The following GIPR variants were observed in gnomAD, a reference collection of about 807,000 sequenced individuals.
GIPR encodes GIP-R.
A neutral mutation model predicts 62.2 loss-of-function variants in GIPR; 74 were observed. That is an observed-to-expected ratio of 1.19 (90% CI 0.99 to 1.44). GIPR has a LOEUF of 1.44. GIPR is among the 40% of genes most tolerant of loss of function. The probability of loss-of-function intolerance (pLI) is 0.00; values close to 1 mark genes in which losing one functional copy is unlikely to be tolerated. For missense variants in GIPR, 664 were observed against 611.8 expected (o/e 1.09, Z -0.90); for synonymous variants, 256 against 262.2 (o/e 0.98, Z 0.23).
intron 4 of GIPR, chr19:45,672,601 A>G: frequency 4.6e-6 from 2 of 431,332 alleles, no homozygotes; most frequent in Non-Finnish European, 8.8e-6. Context: ...CACCACGCCC[A>G]GCCTTAACAT....
intron 5 of GIPR, 134 bp from the exon 6 acceptor site, chr19:45,673,940 A>G: frequency 2.6e-6 from 2 of 755,682 alleles, no homozygotes; most frequent in South Asian, 2.8e-5. Context: ...GCCCTTCTCA[A>G]ATAAGGGTAA....
rs1975429273 is a variant in GIPR at position 45,669,578 on chromosome 19, C to T, written c.58C>T (p.Leu20Phe). Reference sequence around the variant, plus strand: ...GCGGCTCTCACTGTGCGGGCTGCTGCTCCAGAGGGCGGAGGTGAGGAAGCG... The same window carrying T: ...GCGGCTCTCACTGTGCGGGCTGCTGTTCCAGAGGGCGGAGGTGAGGAAGCG... The part of the protein sequence containing the change: ...LLRLSLCGLL[L>F]QRAETGSKGQ... The change falls in exon 2 of 14, where the codon CTC (leucine) becomes TTC (phenylalanine). Residue 20 changes from leucine (L) to phenylalanine (F), a missense_variant. Leu to Phe is a conservative substitution (Grantham distance 22). Transcript: ENST00000590918. 4 of 1,580,180 alleles carry T rather than the reference C, an allele frequency of 2.5e-6. No homozygotes were observed. Among genetic ancestry groups the T allele is most frequent in the Admixed American group, 1.8e-5 (1 of 54,912 alleles).
At position 45,672,858 on chromosome 19, in the gene GIPR, A is replaced by G. The variant is rs1415243835; in HGVS notation, c.288A>G (p.Ala96=). Residue 96 remains alanine, a synonymous_variant, in exon 5 of 14, where the codon GCA becomes GCG. Coordinates refer to ENST00000590918, the MANE Select transcript of GIPR (RefSeq NM_000164.4). ...WYLPWHHHVA[A]GFVLRQCGSD... ...TCTCTTCTTTCCCCACAGTGGCTGC[A>G]GGTTTCGTCCTCCGCCAGTGTGGCA... 7.5e-6 allele frequency: 12 copies of G among 1,605,438 alleles called. No individual in the cohort carries two copies. The highest frequency in any genetic ancestry group is 1.0e-5 in the Non-Finnish European group (12 of 1,172,192).
Position 45,683,358 on chromosome 19 carries a change from C to G in GIPR, c.*1423C>G, listed in dbSNP as rs1393204783. The G allele has an allele frequency of 6.6e-6, 1 of 151,998 alleles. No homozygotes were observed. The highest frequency in any genetic ancestry group is 1.5e-5 in the Non-Finnish European group (1 of 68,056). 9.4% of individuals were successfully genotyped at this position (151,998 alleles called of 1,614,324 possible). On this transcript the variant is annotated 3_prime_UTR_variant, in exon 14 of 14. Coordinates refer to ENST00000590918, the MANE Select transcript of GIPR (RefSeq NM_000164.4). Reference sequence around the variant, plus strand: ...ACTTTATATCCAGAGCAGCCAGGGCCACTGCTGGCTGCGGAGTGAGGACGC... The same window carrying G: ...ACTTTATATCCAGAGCAGCCAGGGCGACTGCTGGCTGCGGAGTGAGGACGC...
intron 13 of GIPR, 25 bp downstream of exon 13, chr19:45,681,670 C>T: frequency 1.2e-6 from 2 of 1,612,678 alleles, no homozygotes; most frequent in Admixed American, 1.7e-5. Flanking sequence ...GGCCGCCGCC[C>T]CCGCCCTCTG....
intron 9 of GIPR, 83 bp from the exon 10 acceptor site, chr19:45,677,627 G>A (rs554995334): frequency 9.1e-7 from 1 of 1,103,142 alleles, no homozygotes; most frequent in Admixed American, 1.7e-5. Flanking sequence ...AAGTGCGGTG[G>A]GCGGGGCCTA....
intron 4 of GIPR, among the ~76,000 whole-genome samples, chr19:45,672,006 ACT>A (rs1975568212): frequency 6.7e-6 from 1 of 148,826 alleles, no homozygotes; most frequent in East Asian, 2.3e-4. Context: ...CGCCTCAGAC[ACT>A]TTATTTATTT....
intron 2 of GIPR, 35 bp downstream of exon 2, chr19:45,669,627 T>C: frequency 3.9e-6 from 6 of 1,552,650 alleles, no homozygotes; most frequent in Non-Finnish European, 5.2e-6. Context: ...GCTCCAGGCT[T>C]GGAGGGAGGT....
intron 1 of GIPR, among the ~76,000 whole-genome samples, 163 bp from the exon 2 acceptor site, chr19:45,669,314 G>C (rs1331830700): frequency 6.6e-6 from 1 of 152,184 alleles, no homozygotes. Context: ...CCTCCCCCCA[G>C]ATCATCACGC....
At chr19:45,669,372 A>G in intron 1 of GIPR, 105 bp from the exon 2 acceptor site, 1 of 1,149,006 alleles carries the variant, frequency 8.7e-7, no homozygotes, top group Non-Finnish European at 1.2e-6. Flanking sequence ...CCGCGTGTAT[A>G]CGGCTCCCCA....
chr19:45,679,652 G>T (rs899539299), intron 12 of GIPR, among the ~76,000 whole-genome samples: 2 of 151,962 alleles, frequency 1.3e-5, no homozygotes, highest in African/African-American at 4.8e-5. Flanking sequence ...GTCCAGGCTG[G>T]ATCCAGTGCA....
chr19:45,669,357 G>A (rs746148532), intron 1 of GIPR, 120 bp from the exon 2 acceptor site: 5 of 959,802 alleles, frequency 5.2e-6, no homozygotes, highest in Non-Finnish European at 7.9e-6. Context: ...CGCTGCCTCG[G>A]AGTCCCGCGT....
At chr19:45,670,845 G>C in intron 3 of GIPR, 111 bp downstream of exon 3, 1 of 693,812 alleles carries the variant, frequency 1.4e-6, no homozygotes, top group Non-Finnish European at 2.5e-6. Context: ...GCTGTGGGCT[G>C]GAGAGGCCCG....
In GIPR at chr19:45,679,719, G is replaced by T. The variant is rs866371384; in HGVS notation, c.1152+1493G>T. ...ACTCCTGGTCCAAAGCAATCCTCCT[G>T]CTTCAGCCTCCTAAGTGGCTGGGAG... On this transcript the variant is annotated intron_variant, in intron 12 of 13. Transcript: ENST00000590918. Among the ~76,000 whole-genome samples the T allele has an allele frequency of 5.3e-5, 8 of 152,018 alleles. No homozygotes were observed. In the South Asian group the frequency reaches 1.2e-3, roughly 24 times the overall value.
intron 5 of GIPR, 71 bp downstream of exon 5, chr19:45,673,025 C>A: frequency 1.1e-6 from 1 of 905,302 alleles, no homozygotes; most frequent in South Asian, 1.3e-5. Flanking sequence ...CAGGCAGGGC[C>A]TGAAACCCCT....
Position 45,677,954 on chromosome 19 carries a change from C to A in GIPR, c.973C>A (p.Leu325Met). 2 of 1,614,034 alleles carry A rather than the reference C, an allele frequency of 1.2e-6. No individual in the cohort carries two copies. Among genetic ancestry groups the A allele is most frequent in the Non-Finnish European group, 1.7e-6 (2 of 1,180,010 alleles). Residue 325 changes from leucine to methionine, a missense_variant, in exon 11 of 14, where the codon CTG becomes ATG. Leu to Met is a conservative substitution (Grantham distance 15, BLOSUM62 2). Transcript: ENST00000590918. The part of the protein sequence containing the change: ...IRILGILLSK[L>M]RTRQMRCRDY... ...CATTCTTGGCATTCTCCTGTCCAAG[C>A]TGAGGACACGGCAAATGCGCTGCCG...
chr19:45,674,182 G>C lies in GIPR; in HGVS notation c.488+5G>C. 6.3e-7 allele frequency: 1 copy of C among 1,580,888 alleles called. No individual in the cohort carries two copies. The highest frequency in any genetic ancestry group is 8.7e-7 in the Non-Finnish European group (1 of 1,149,658). On this transcript the variant is annotated splice_donor_5th_base_variant and intron_variant, in intron 6 of 13. Transcript: ENST00000590918. ...GCTCATCTTGAGTTTGTTCAGGTGG[G>C]ACCTTAACCCTGAGTGGTGGCGGCA...
chr19:45,674,695 A>C lies in GIPR; in HGVS notation c.502A>C (p.Thr168Pro). 2 of 1,613,838 alleles carry C rather than the reference A, an allele frequency of 1.2e-6. No individual in the cohort carries two copies. Among genetic ancestry groups the C allele is most frequent in the South Asian group, 1.1e-5 (1 of 91,062 alleles). Reference protein sequence around the residue: ...ILSLFRRLHCTRNYIHINLFT... With the variant: ...ILSLFRRLHCPRNYIHINLFT... ...AAATTCCCCTAGGCGGCTACATTGC[A>C]CTAGAAACTATATCCACATCAACCT... Residue 168 changes from threonine to proline, a missense_variant, in exon 7 of 14, where the codon ACT (threonine) becomes CCT (proline). Physicochemically the swap from Thr to Pro is conservative, Grantham distance 38 (BLOSUM62 -1). Transcript: ENST00000590918.
At chr19:45,677,815 G>C (rs1313524478) in intron 10 of GIPR, 36 bp downstream of exon 10, 2 of 1,604,526 alleles carry the variant, frequency 1.2e-6, no homozygotes. Context: ...GCCGCCCTCA[G>C]GGATTTCCCA....
Sources: gnomAD v4.1 joint callset for allele counts (sites outside exome capture counted in the v4.1 genomes callset) on GRCh38, gnomAD v4.1.1 for gene constraint, MANE v1.5 for transcripts, NCBI Gene and HGNC (gene_info 2026-07-23, HGNC 2026-07-21) for gene names.